The following UNC79 variants were observed in gnomAD, a reference collection of about 807,000 sequenced individuals.
UNC79 encodes protein unc-79 homolog.
A neutral mutation model predicts 283.1 loss-of-function variants in UNC79; 37 were observed. The ratio of observed to expected loss-of-function variants is 0.13; its 90% CI spans 0.10 to 0.17. The LOEUF (loss-of-function observed/expected upper bound fraction) is 0.17, where lower values mean the gene tolerates loss of function less well. Ranked by LOEUF, UNC79 falls within the 10% of genes least tolerant of loss-of-function variation. The probability of loss-of-function intolerance (pLI) is 1.00; values close to 1 mark genes in which losing one functional copy is unlikely to be tolerated. For synonymous variants in UNC79, 1,107 were observed against 1,200.2 expected (o/e 0.92, Z 1.61); for missense variants, 2,272 against 3,211.1 (o/e 0.71, Z 7.07).
intron 1 of UNC79, among the ~76,000 whole-genome samples, chr14:93,346,979 G>C (rs1182637354): frequency 1.3e-5 from 2 of 151,928 alleles, no homozygotes; most frequent in African/African-American, 4.8e-5. Context: ...GCAGGGGTGT[G>C]CTGGGTGGAA....
At chr14:93,653,827 C>A (rs2070593510) in exon 36 of UNC79, 1 of 1,614,052 alleles carries the variant, frequency 6.2e-7, no homozygotes. Context: ...CGGCATCTTC[C>A]CGCAGCTGTT....
intron 34 of UNC79, among the ~76,000 whole-genome samples, chr14:93,644,028 T>C (rs1334164990): frequency 6.6e-6 from 1 of 152,218 alleles, no homozygotes; most frequent in Non-Finnish European, 1.5e-5. Context: ...ACTTCGTAAG[T>C]ATTACCTGTT....
chr14:93,393,947 A>G (rs1372668763), intron 1 of UNC79, among the ~76,000 whole-genome samples: 1 of 149,822 alleles, frequency 6.7e-6, no homozygotes, highest in African/African-American at 2.5e-5. Context: ...TCCAGGTTCT[A>G]CCTCCCATTC....
intron 11 of UNC79, 151 bp from the exon 12 acceptor site, chr14:93,537,838 G>C (rs2061165428): frequency 3.0e-6 from 2 of 674,882 alleles, no homozygotes; most frequent in Admixed American, 3.1e-5. Flanking sequence ...CTGAAATCTA[G>C]GTAGTGGGAG....
chr14:93,621,703 G>A lies in UNC79; in HGVS notation c.4470G>A (p.Pro1490=), dbSNP rs762137118. The A allele has an allele frequency of 5.0e-6, 8 of 1,613,032 alleles. No homozygotes were observed. Among genetic ancestry groups the A allele is most frequent in the South Asian group, 2.2e-5 (2 of 90,960 alleles). Residue 1490 remains proline, a synonymous_variant, in exon 30 of 49, where the codon CCG becomes CCA. Transcript: ENST00000555664. The surrounding 1 kb of genome is among the most constrained non-coding windows in gnomAD (Gnocchi z 4.8). ...ACTGTGTGAGAGAAGAAAGCATTCC[G>A]AAAAAAAAGCTACGCTCTTTCAAAC...
chr14:93,588,031 G>C (rs1017073342), intron 22 of UNC79, among the ~76,000 whole-genome samples: 1 of 152,164 alleles, frequency 6.6e-6, no homozygotes, highest in Non-Finnish European at 1.5e-5. Context: ...GGAAAGAAGG[G>C]ACCAGAAATA....
At chr14:93,417,034 A>C (rs1407902827) in intron 1 of UNC79, among the ~76,000 whole-genome samples, 1 of 151,956 alleles carries the variant, frequency 6.6e-6, no homozygotes, top group Non-Finnish European at 1.5e-5. Context: ...TAAAGTTAAT[A>C]TTGTTATGTG....
At position 93,593,924 on chromosome 14, in the gene UNC79, T is replaced by C. The variant is rs976194527; in HGVS notation, c.3190+87T>C. On this transcript the variant is annotated intron_variant, in intron 23 of 48. Coordinates refer to ENST00000555664, the Ensembl canonical transcript of UNC79. ...GCATCTTTTTTGGCACCTCCTTTCT[T>C]GTCCCTTCTTTTTAAAAGGCATTCT... 3.3e-5 allele frequency: 47 copies of C among 1,412,014 alleles called. No homozygotes were observed. The African/African-American group carries it at 5.7e-4, about 17-fold the overall frequency. 87.5% of individuals were successfully genotyped at this position (1,412,014 alleles called of 1,614,324 possible).
At chr14:93,487,821 C>T in intron 5 of UNC79, 66 bp downstream of exon 5, 1 of 1,477,306 alleles carries the variant, frequency 6.8e-7, no homozygotes, top group Non-Finnish European at 9.4e-7. Context: ...ATCAAACAAG[C>T]AGGCTAGATG....
intron 1 of UNC79, among the ~76,000 whole-genome samples, chr14:93,407,363 A>G (rs1322772887): frequency 6.6e-6 from 1 of 152,092 alleles, no homozygotes; most frequent in African/African-American, 2.4e-5. Flanking sequence ...AGAAACACTT[A>G]AACAATAATT....
At chr14:93,684,444 TA>T (rs2074087580) in intron 42 of UNC79, among the ~76,000 whole-genome samples, 1 of 152,228 alleles carries the variant, frequency 6.6e-6, no homozygotes, top group South Asian at 2.1e-4. Context: ...ATCATCAGGG[TA>T]TTGTTTAAAT....
intron 47 of UNC79, among the ~76,000 whole-genome samples, chr14:93,701,196 G>C (rs2075504705): frequency 6.6e-6 from 1 of 152,166 alleles, no homozygotes; most frequent in Non-Finnish European, 1.5e-5. Flanking sequence ...GGACTCACCT[G>C]GTTTGTTTCC....
At position 93,542,945 on chromosome 14, in the gene UNC79, C is replaced by T. The variant is rs181485323; in HGVS notation, c.1755+249C>T. 2.4e-3 allele frequency among the ~76,000 whole-genome samples: 332 copies of T among 137,436 alleles called. 3 individuals are homozygous for T. The highest frequency in any genetic ancestry group is 5.8e-3 in the Admixed American group (71 of 12,170). The allele number at this position is 137,436 out of a possible 152,430, so 90.2% of individuals were successfully genotyped here. A position where few individuals can be genotyped will look rare whatever the true frequency, so the allele number is the denominator to read the frequency against. On this transcript the variant is annotated intron_variant, in intron 14 of 48. Transcript: ENST00000555664. ...AAGAATTTAAGGGACCATTCTTTCT[C>T]GACATTGCTGATTTTTTTTTTTTTT...
chr14:93,623,062 T>A (rs2067257288), intron 30 of UNC79, among the ~76,000 whole-genome samples: 1 of 152,220 alleles, frequency 6.6e-6, no homozygotes, highest in Non-Finnish European at 1.5e-5. Context: ...TTTTTGTTGT[T>A]TTAAACTCTG....
chr14:93,497,110 T>A (rs1205958364), intron 6 of UNC79, 47 bp from the exon 7 acceptor site: 2 of 1,576,280 alleles, frequency 1.3e-6, no homozygotes, highest in Non-Finnish European at 1.7e-6. Context: ...CTACCTTTCT[T>A]TTTATTTCAT....
upstream of UNC79, among the ~76,000 whole-genome samples, chr14:93,427,405 G>A (rs976308824): frequency 6.6e-6 from 1 of 152,066 alleles, no homozygotes; most frequent in Non-Finnish European, 1.5e-5. Context: ...TATGTATAGT[G>A]TGGTATTAAT....
chr14:93,604,343 T>A (rs2065732395), intron 26 of UNC79, among the ~76,000 whole-genome samples: 1 of 152,230 alleles, frequency 6.6e-6, no homozygotes, highest in Non-Finnish European at 1.5e-5. Flanking sequence ...TTTATAATCA[T>A]AAATATGATT....
At chr14:93,538,501 A>T (rs2061195436) in intron 12 of UNC79, among the ~76,000 whole-genome samples, 1 of 152,176 alleles carries the variant, frequency 6.6e-6, no homozygotes, top group African/African-American at 2.4e-5. Context: ...AGAAAAACAT[A>T]AGCACGTCAT....
intron 9 of UNC79, 62 bp from the exon 10 acceptor site, chr14:93,529,224 C>T (rs766048564): frequency 8.9e-6 from 14 of 1,577,126 alleles, no homozygotes; most frequent in Non-Finnish European, 1.2e-5. Context: ...AGCTTATAAA[C>T]ATTCATGTGG....
Sources: allele counts gnomAD v4.1 joint callset (sites outside exome capture counted in the v4.1 genomes callset), GRCh38; gene constraint gnomAD v4.1.1; non-coding constraint Gnocchi (gnomAD v3.1); transcripts MANE v1.5; gene names NCBI Gene and HGNC (gene_info 2026-07-23, HGNC 2026-07-21).